The following SLC7A1 variants were observed in gnomAD, a reference collection of about 807,000 sequenced individuals.
The protein encoded by SLC7A1 is solute carrier family 7 member 1.
SLC7A1 carries 10 observed loss-of-function variants against 53.9 expected under a neutral mutation model. The ratio of observed to expected loss-of-function variants is 0.19; its 90% CI spans 0.11 to 0.31. The LOEUF is 0.31. Among genes scored for constraint, SLC7A1 ranks in the 10% least tolerant of loss-of-function variants. The probability of loss-of-function intolerance (pLI) is 1.00; values close to 1 mark genes in which losing one functional copy is unlikely to be tolerated. For synonymous variants in SLC7A1, 342 were observed against 338.7 expected, an observed-to-expected ratio of 1.01 and a Z score of -0.11; for missense variants, 525 against 827.2, an observed-to-expected ratio of 0.63 and a Z score of 4.48.
intron 7 of SLC7A1, among the ~76,000 whole-genome samples, 188 bp downstream of exon 7, chr13:29,523,078 G>T (rs558780635): frequency 1.1e-3 from 170 of 152,260 alleles, no homozygotes; most frequent in African/African-American, 3.5e-3. Context: ...CAACTCTTGG[G>T]ATGATGAATA....
At position 29,514,587 on chromosome 13, in the gene SLC7A1, C is replaced by T. The variant is rs370197765; in HGVS notation, c.1787-4G>A. The T allele has an allele frequency of 3.8e-4, 614 of 1,602,382 alleles. 5 individuals carry two copies. The African/African-American group carries it at 7.2e-3, about 19-fold the overall frequency. ...TAGCCAAAGTAGATGATGAAGCCTG[C>T]GGGCCGACAGCAGAGACGGGCGTGA... is the stretch of plus-strand genomic sequence containing the variant. On this transcript the variant is annotated splice_region_variant and splice_polypyrimidine_tract_variant and intron_variant, in intron 12 of 12. Coordinates refer to ENST00000380752, the MANE Select transcript of SLC7A1 (RefSeq NM_003045.5).
chr13:29,578,633 T>C (rs1203546360), intron 1 of SLC7A1, among the ~76,000 whole-genome samples: 2 of 152,200 alleles, frequency 1.3e-5, no homozygotes, highest in Non-Finnish European at 2.9e-5. Context: ...TCCTGAACTA[T>C]TTCTCCCTGG....
At chr13:29,572,076 G>A (rs553884210) in intron 1 of SLC7A1, among the ~76,000 whole-genome samples, 3 of 152,354 alleles carry the variant, frequency 2.0e-5, no homozygotes, top group African/African-American at 7.2e-5. Context: ...AGTGGCCAAG[G>A]AGGCACCAAT....
At position 29,562,222 on chromosome 13, in the gene SLC7A1, A is replaced by AT. The variant is rs1179362575; in HGVS notation, c.-114-8363dup. 9.2e-5 allele frequency among the ~76,000 whole-genome samples: 14 copies of AT among 152,310 alleles called. No homozygotes were observed. In the East Asian group the frequency reaches 1.7e-3, roughly 19 times the overall value. ...AACAGTTCCCAGGCAAACTCATAGA[A>AT]TGGATTCGTCTCCACGTGAGAATGT... is the stretch of plus-strand genomic sequence containing the variant. On this transcript the variant is annotated intron_variant, in intron 1 of 12. Transcript: ENST00000380752.
In SLC7A1 at chr13:29,550,555, G is replaced by A. The variant is rs1232450575; in HGVS notation, c.-15+3206C>T. Among the ~76,000 whole-genome samples the A allele has an allele frequency of 2.0e-5, 3 of 152,222 alleles. No homozygotes were observed. In the East Asian group the frequency reaches 5.8e-4, roughly 29 times the overall value. ...GATGCAGGCAGCTGCTAGGAACTGC[G>A]AGTGGCCTCTGGGAGCTGACAGCAG... On this transcript the variant is annotated intron_variant, in intron 2 of 12. Coordinates refer to ENST00000380752, the MANE Select transcript of SLC7A1 (RefSeq NM_003045.5).
intron 12 of SLC7A1, among the ~76,000 whole-genome samples, chr13:29,515,449 C>T (rs1199524492): frequency 2.6e-5 from 4 of 152,214 alleles, no homozygotes; most frequent in Non-Finnish European, 5.9e-5. Flanking sequence ...AAGCACCCCT[C>T]GAGGGCCCTG....
intron 1 of SLC7A1, among the ~76,000 whole-genome samples, chr13:29,574,385 C>T (rs1871322402): frequency 1.3e-5 from 2 of 152,208 alleles, no homozygotes; most frequent in African/African-American, 2.4e-5. Flanking sequence ...ATCACTGACG[C>T]TTAATGTTGC....
Position 29,513,386 on chromosome 13 carries a change from G to A in SLC7A1, c.*1094C>T, listed in dbSNP as rs1310759142. 1 of 152,688 alleles carries A rather than the reference G, an allele frequency of 6.5e-6. No individual in the cohort carries two copies. Among genetic ancestry groups the A allele is most frequent in the African/African-American group, 2.4e-5 (1 of 41,456 alleles). 9.5% of individuals were successfully genotyped at this position (152,688 alleles called of 1,614,324 possible). On this transcript the variant is annotated 3_prime_UTR_variant, in exon 13 of 13. Coordinates refer to ENST00000380752, the MANE Select transcript of SLC7A1 (RefSeq NM_003045.5). ...TTATGCCCTAACTTAATCTGGTGGA[G>A]TGTCACAATTTCATGGACTGTGGAT... is the stretch of plus-strand genomic sequence containing the variant.
At chr13:29,563,274 C>T (rs1870837762) in intron 1 of SLC7A1, among the ~76,000 whole-genome samples, 1 of 152,242 alleles carries the variant, frequency 6.6e-6, no homozygotes, top group Admixed American at 6.5e-5. Flanking sequence ...GTTCCCTCAA[C>T]AAAGAATGAT....
intron 1 of SLC7A1, among the ~76,000 whole-genome samples, chr13:29,583,050 C>G (rs1871720756): frequency 6.6e-6 from 1 of 152,210 alleles, no homozygotes; most frequent in Non-Finnish European, 1.5e-5. Flanking sequence ...TCCAGTTAGT[C>G]TTATCCCCAG....
intron 1 of SLC7A1, among the ~76,000 whole-genome samples, chr13:29,590,627 C>T (rs1872069402): frequency 6.6e-6 from 1 of 152,086 alleles, no homozygotes; most frequent in Non-Finnish European, 1.5e-5. Context: ...TTGTTCCTTC[C>T]CTCAGACCTG....
In SLC7A1 at chr13:29,555,357, C is replaced by CAAAAAAAAAAAAAAAAA. The variant is rs538934310; in HGVS notation, c.-114-1514_-114-1498dup. 1.1e-3 allele frequency among the ~76,000 whole-genome samples: 21 copies of CAAAAAAAAAAAAAAAAA among 18,768 alleles called. 1 individual carries two copies. The highest frequency in any genetic ancestry group is 2.3e-3 in the African/African-American group (16 of 6,968). 12.3% of individuals were successfully genotyped at this position (18,768 alleles called of 152,430 possible). A position where few individuals can be genotyped will look rare whatever the true frequency, so the allele number is the denominator to read the frequency against. Reference sequence around the variant, plus strand: ...TGGGCGACAGAGCGAGACTCCGTCTCAAAAAAAAAAAAAAAAAAAAAAAAG... The same window carrying CAAAAAAAAAAAAAAAAA: ...TGGGCGACAGAGCGAGACTCCGTCTCAAAAAAAAAAAAAAAAAAAAAAAAAAAAAAAAAAAAAAAAAG... On this transcript the variant is annotated intron_variant, in intron 1 of 12. Transcript: ENST00000380752.
At position 29,523,509 on chromosome 13, in the gene SLC7A1, C is replaced by T. The variant is rs377238193; in HGVS notation, c.827-21G>A. The T allele has an allele frequency of 6.4e-5, 100 of 1,564,042 alleles. 1 individual carries two copies. The South Asian group carries it at 8.1e-4, about 13-fold the overall frequency. On this transcript the variant is annotated intron_variant, in intron 6 of 12. Transcript: ENST00000380752. ...TTCACCTAGAAGCACAAGGGGTCAG[C>T]GGAGGAGGGCACACAGCAAGAGGCA...
At chr13:29,575,406 A>G (rs1181650909) in intron 1 of SLC7A1, among the ~76,000 whole-genome samples, 17 of 152,364 alleles carry the variant, frequency 1.1e-4, no homozygotes, top group African/African-American at 4.1e-4. Flanking sequence ...CCTCTAACTT[A>G]TGATAAATCC....
intron 10 of SLC7A1, 85 bp from the exon 11 acceptor site, chr13:29,517,395 T>A (rs1337246022): frequency 2.4e-5 from 33 of 1,403,202 alleles, no homozygotes; most frequent in Non-Finnish European, 3.1e-5. Context: ...CCTAAACTTG[T>A]GGAGAGAGAG....
chr13:29,522,579 C>T (rs766050659), intron 7 of SLC7A1, 123 bp from the exon 8 acceptor site: 18 of 999,108 alleles, frequency 1.8e-5, no homozygotes, highest in Non-Finnish European at 2.4e-5. Flanking sequence ...AGCTGCCGTC[C>T]CTCCACGCTG....
chr13:29,538,971 C>T lies in SLC7A1; in HGVS notation c.-14-2769G>A, dbSNP rs1593553011. Among the ~76,000 whole-genome samples, 6 of 152,274 alleles carry T rather than the reference C, an allele frequency of 3.9e-5. 1 individual carries two copies. The South Asian group carries it at 1.2e-3, about 32-fold the overall frequency. On this transcript the variant is annotated intron_variant, in intron 2 of 12. Coordinates refer to ENST00000380752, the MANE Select transcript of SLC7A1 (RefSeq NM_003045.5). ...AGTGCCTGCCTGCTCCCAACCTCTC[C>T]CAGATGTCACTTCTGCTCAAGAATA...
intron 1 of SLC7A1, among the ~76,000 whole-genome samples, chr13:29,579,818 T>G (rs762603976): frequency 2.4e-4 from 37 of 152,324 alleles, no homozygotes; most frequent in Non-Finnish European, 4.4e-4. Flanking sequence ...TGCTTTTTAT[T>G]TTTACAAGAG....
chr13:29,559,808 C>A (rs1471448465), intron 1 of SLC7A1, among the ~76,000 whole-genome samples: 1 of 151,884 alleles, frequency 6.6e-6, no homozygotes, highest in Non-Finnish European at 1.5e-5. Context: ...CTCCGCCTCC[C>A]AGGTTCACGC....
Sources: allele counts gnomAD v4.1 joint callset (sites outside exome capture counted in the v4.1 genomes callset), GRCh38; gene constraint gnomAD v4.1.1; transcripts MANE v1.5; gene names NCBI Gene and HGNC (gene_info 2026-07-23, HGNC 2026-07-21).